The following WDR89 variants were observed in gnomAD, a reference collection of about 807,000 sequenced individuals.
WDR89 encodes WD repeat domain 89, also known as WD repeat-containing protein 89.
Under a neutral mutation model 29.1 loss-of-function variants are expected in WDR89, and 17 were observed. The observed-to-expected ratio is 0.58, with a 90% CI of 0.40 to 0.88. WDR89 has a LOEUF of 0.88. Ranked by LOEUF, WDR89 falls within the 40% of genes least tolerant of loss-of-function variation. WDR89 has a pLI of 0.00. For missense variants in WDR89, 396 were observed against 456.3 expected (o/e 0.87, Z 1.20); for synonymous variants, 138 against 157.8 (o/e 0.87, Z 0.94).
chr14:63,600,255 A>G (rs1175426783), intron 2 of WDR89, among the ~76,000 whole-genome samples: 1 of 152,152 alleles, frequency 6.6e-6, no homozygotes. Flanking sequence ...GCACTTTGGG[A>G]GGCTGAGGTA....
At chr14:63,607,287 C>T (rs1895363505) in intron 2 of WDR89, among the ~76,000 whole-genome samples, 1 of 152,088 alleles carries the variant, frequency 6.6e-6, no homozygotes, top group Non-Finnish European at 1.5e-5. Flanking sequence ...CTCAGCCTCC[C>T]AAGTAGCTGG....
At chr14:63,603,525 T>C (rs1462029174) in intron 2 of WDR89, among the ~76,000 whole-genome samples, 2 of 152,236 alleles carry the variant, frequency 1.3e-5, no homozygotes, top group Admixed American at 6.5e-5. Flanking sequence ...TCTATCATTC[T>C]TTCTACCTTA....
At chr14:63,618,152 T>G (rs1029877561) in intron 2 of WDR89, 1 of 151,432 alleles carries the variant, frequency 6.6e-6, no homozygotes, top group African/African-American at 2.4e-5. Flanking sequence ...TTTAGAGGGG[T>G]GTGTGTGTGT....
intron 1 of WDR89, among the ~76,000 whole-genome samples, chr14:63,640,984 G>A (rs1170670606): frequency 6.7e-6 from 1 of 149,074 alleles, no homozygotes; most frequent in Non-Finnish European, 1.5e-5. Flanking sequence ...TATAATCCCG[G>A]CTACTCGGGA....
At chr14:63,601,040 G>C in intron 2 of WDR89, among the ~76,000 whole-genome samples, 1 of 152,106 alleles carries the variant, frequency 6.6e-6, no homozygotes, top group Middle Eastern at 3.2e-3. Flanking sequence ...TGAAGACAGA[G>C]GCTGAGAGTG....
intron 2 of WDR89, among the ~76,000 whole-genome samples, chr14:63,617,141 C>A (rs910039113): frequency 7.1e-6 from 1 of 141,798 alleles, no homozygotes; most frequent in Non-Finnish European, 1.5e-5. Context: ...AGCACAATGG[C>A]GCGATCTCGG....
chr14:63,632,920 T>C (rs772677696), intron 1 of WDR89, among the ~76,000 whole-genome samples: 1 of 152,142 alleles, frequency 6.6e-6, no homozygotes, highest in Non-Finnish European at 1.5e-5. Flanking sequence ...GTGTTTTAGA[T>C]GAGGAAGCTG....
At position 63,635,100 on chromosome 14, in the gene WDR89, A is replaced by C. The variant is rs192328503; in HGVS notation, c.-138+6704T>G. Among the ~76,000 whole-genome samples the C allele has an allele frequency of 3.4e-3, 519 of 152,264 alleles. 1 individual carries two copies. The highest frequency in any genetic ancestry group is 5.4e-3 in the Non-Finnish European group (364 of 68,018). ...CCTTTTGACACTATTCCACAAGATA[A>C]CAAAGGAACTCTCCCTAATTCATTC... On this transcript the variant is annotated intron_variant, in intron 1 of 2. Coordinates refer to ENST00000620954, the MANE Select transcript of WDR89 (RefSeq NM_080666.4).
chr14:63,614,595 A>G (rs983709442), intron 2 of WDR89, among the ~76,000 whole-genome samples: 6 of 152,212 alleles, frequency 3.9e-5, no homozygotes, highest in Non-Finnish European at 7.3e-5. Flanking sequence ...AATCACACAT[A>G]TGCGTTACCA....
chr14:63,618,441 C>T (rs1183588102), intron 2 of WDR89, among the ~76,000 whole-genome samples: 1 of 152,154 alleles, frequency 6.6e-6, no homozygotes, highest in Non-Finnish European at 1.5e-5. Flanking sequence ...AAGCAGGAGG[C>T]AGTGTGCCTG....
chr14:63,604,812 G>A (rs1895231562), intron 2 of WDR89, among the ~76,000 whole-genome samples: 2 of 152,146 alleles, frequency 1.3e-5, no homozygotes, highest in Non-Finnish European at 2.9e-5. Context: ...TAAGGACGCT[G>A]CGGTCAATGA....
chr14:63,637,972 G>A (rs1270197304), intron 1 of WDR89, among the ~76,000 whole-genome samples: 1 of 150,682 alleles, frequency 6.6e-6, no homozygotes, highest in Non-Finnish European at 1.5e-5. Flanking sequence ...TTTCAAAACA[G>A]CCTCGCTCTG....
At chr14:63,606,548 A>G (rs1292302838) in intron 2 of WDR89, among the ~76,000 whole-genome samples, 2 of 152,210 alleles carry the variant, frequency 1.3e-5, no homozygotes, top group Non-Finnish European at 2.9e-5. Flanking sequence ...TATTCAGTAG[A>G]GTAAAATGCT....
intron 2 of WDR89, chr14:63,621,674 C>T (rs887271641): frequency 6.6e-6 from 1 of 152,118 alleles, no homozygotes; most frequent in African/African-American, 2.4e-5. Flanking sequence ...ATTTTAAACA[C>T]CAAAAGGACA....
intron 2 of WDR89, among the ~76,000 whole-genome samples, chr14:63,617,749 T>C (rs1320059717): frequency 6.6e-6 from 1 of 152,122 alleles, no homozygotes; most frequent in Non-Finnish European, 1.5e-5. Context: ...CCTCCCAAAA[T>C]GCTGGTATTG....
chr14:63,639,424 T>A (rs1400525507), intron 1 of WDR89, among the ~76,000 whole-genome samples: 1 of 147,082 alleles, frequency 6.8e-6, no homozygotes, highest in East Asian at 2.0e-4. Context: ...CTTTCTTAAG[T>A]GTGTACTTTT....
intron 2 of WDR89, among the ~76,000 whole-genome samples, chr14:63,617,797 T>A (rs772395357): frequency 6.6e-6 from 1 of 152,110 alleles, no homozygotes; most frequent in East Asian, 1.9e-4. Flanking sequence ...GAATTCTACA[T>A]AGCAATAAAA....
chr14:63,633,248 T>C (rs2139572296), intron 1 of WDR89, among the ~76,000 whole-genome samples: 1 of 152,132 alleles, frequency 6.6e-6, no homozygotes, highest in South Asian at 2.1e-4. Flanking sequence ...TAAGTATATA[T>C]ATATATTTAT....
intron 1 of WDR89, among the ~76,000 whole-genome samples, chr14:63,638,095 C>T (rs1883859339): frequency 6.6e-6 from 1 of 152,218 alleles, no homozygotes; most frequent in African/African-American, 2.4e-5. Context: ...CAGGCACGCA[C>T]CATCATCCCC....
Sources: allele counts gnomAD v4.1 joint callset (sites outside exome capture counted in the v4.1 genomes callset), GRCh38; gene constraint gnomAD v4.1.1; transcripts MANE v1.5; gene names NCBI Gene and HGNC (gene_info 2026-07-23, HGNC 2026-07-21).